The following SEC31A variants were observed in gnomAD, a reference collection of about 807,000 sequenced individuals.
SEC31A encodes protein transport protein Sec31A.
In SEC31A, 70 loss-of-function variants were observed where a neutral mutation model predicts 151.0. The ratio of observed to expected loss-of-function variants is 0.46; its 90% CI spans 0.38 to 0.57. The LOEUF is 0.57. Among genes scored for constraint, SEC31A ranks in the 20% least tolerant of loss-of-function variants. SEC31A has a pLI of 0.00. For synonymous variants in SEC31A, 475 were observed against 505.9 expected (o/e 0.94, Z 0.82); for missense variants, 1,330 against 1,471.2 (o/e 0.90, Z 1.57).
chr4:82,820,987 A>G (rs1723184338), intron 26 of SEC31A, 50 bp downstream of exon 26: 2 of 1,489,602 alleles, frequency 1.3e-6, no homozygotes, highest in Middle Eastern at 1.9e-4. Flanking sequence ...CTGTTTTACT[A>G]GCAACTAGGA....
intron 22 of SEC31A, among the ~76,000 whole-genome samples, chr4:82,836,865 T>C (rs1727436583): frequency 6.6e-6 from 1 of 151,960 alleles, no homozygotes; most frequent in Non-Finnish European, 1.5e-5. Flanking sequence ...CAACAATAAT[T>C]ATTGTACATT....
chr4:82,849,716 T>C (rs1731075706), intron 19 of SEC31A, among the ~76,000 whole-genome samples: 1 of 148,840 alleles, frequency 6.7e-6, no homozygotes, highest in South Asian at 2.1e-4. Context: ...GAGATGAAAA[T>C]GTTAAAAGAG....
upstream of SEC31A, chr4:82,891,353 C>G (rs1345045225): frequency 3.7e-5 from 24 of 641,914 alleles, no homozygotes; most frequent in Admixed American, 5.9e-5. Flanking sequence ...TGGTGGCGCT[C>G]TGCGGTCATC....
chr4:82,826,270 G>C (rs919607250), intron 24 of SEC31A, among the ~76,000 whole-genome samples: 3 of 151,814 alleles, frequency 2.0e-5, no homozygotes, highest in Admixed American at 2.0e-4. Flanking sequence ...TATTTTTTCA[G>C]AAAGAACCAT....
intron 26 of SEC31A, 27 bp from the exon 27 acceptor site, chr4:82,819,280 G>T (rs756434695): frequency 5.9e-6 from 9 of 1,515,982 alleles, no homozygotes; most frequent in East Asian, 2.4e-5. Context: ...CCAAGAGAAA[G>T]AATTAAATTA....
At chr4:82,872,160 C>A in intron 6 of SEC31A, 74 bp from the exon 7 acceptor site, 1 of 1,063,196 alleles carries the variant, frequency 9.4e-7, no homozygotes, top group Non-Finnish European at 1.4e-6. Context: ...GAGAAATATA[C>A]CTTTATTGAA....
chr4:82,835,280 C>T (rs1158769520), intron 22 of SEC31A, among the ~76,000 whole-genome samples: 6 of 151,974 alleles, frequency 3.9e-5, no homozygotes, highest in Admixed American at 1.3e-4. Flanking sequence ...AGATTCATTA[C>T]GGATGTGAAA....
intron 17 of SEC31A, among the ~76,000 whole-genome samples, chr4:82,853,943 C>T (rs1267546208): frequency 6.6e-6 from 1 of 152,070 alleles, no homozygotes; most frequent in Non-Finnish European, 1.5e-5. Flanking sequence ...TCTAACTGTA[C>T]AACTAATTTT....
At chr4:82,891,232 G>A, upstream of SEC31A, 2 of 1,467,538 alleles carry the variant, frequency 1.4e-6, no homozygotes, top group South Asian at 1.2e-5. Flanking sequence ...GCCACGCCCT[G>A]CGCCCAACAC....
intron 3 of SEC31A, 33 bp downstream of exon 3, chr4:82,880,766 A>C (rs1739100825): frequency 2.6e-6 from 4 of 1,566,750 alleles, no homozygotes; most frequent in Non-Finnish European, 3.5e-6. Flanking sequence ...ATATAATTAA[A>C]TAATCACATG....
chr4:82,898,234 A>T (rs546182251), intron 3 of SEC31A, among the ~76,000 whole-genome samples: 1 of 152,346 alleles, frequency 6.6e-6, no homozygotes, highest in South Asian at 2.1e-4. Context: ...AGTTACTAGA[A>T]GAAGCAATGA....
intron 12 of SEC31A, 40 bp downstream of exon 12, chr4:82,863,278 T>G: frequency 9.1e-7 from 1 of 1,103,686 alleles, no homozygotes; most frequent in Non-Finnish European, 1.4e-6. Flanking sequence ...AAAAGTATGA[T>G]TCATAAAGAG....
intron 22 of SEC31A, among the ~76,000 whole-genome samples, chr4:82,841,608 T>C (rs2149230851): frequency 1.3e-5 from 2 of 148,692 alleles, no homozygotes. Context: ...GCCACTGCAC[T>C]CCAGCCTAGG....
At chr4:82,830,312 T>C (rs1205100867) in intron 22 of SEC31A, among the ~76,000 whole-genome samples, 1 of 151,978 alleles carries the variant, frequency 6.6e-6, no homozygotes, top group African/African-American at 2.4e-5. Context: ...AATACAAAAA[T>C]TAGCTGCTTG....
At chr4:82,843,130 T>G (rs1174657801) in intron 21 of SEC31A, among the ~76,000 whole-genome samples, 4 of 141,066 alleles carry the variant, frequency 2.8e-5, no homozygotes, top group Non-Finnish European at 4.7e-5. Context: ...GAGTTGTGGG[T>G]TTTTTTTTTT....
intron 6 of SEC31A, 51 bp from the exon 7 acceptor site, chr4:82,872,137 G>T: frequency 7.4e-7 from 1 of 1,351,972 alleles, no homozygotes; most frequent in Non-Finnish European, 1.1e-6. Flanking sequence ...TTTATGAAAA[G>T]CCAAACTACA....
chr4:82,838,775 T>A (rs1398682574), intron 22 of SEC31A, among the ~76,000 whole-genome samples: 1 of 152,230 alleles, frequency 6.6e-6, no homozygotes, highest in Non-Finnish European at 1.5e-5. Flanking sequence ...ACCAAACAGG[T>A]ATCCATTGAG....
chr4:82,857,129 G>A lies in SEC31A; in HGVS notation c.1704C>T (p.Asp568=). 1 of 1,609,494 alleles carries A rather than the reference G, an allele frequency of 6.2e-7. No individual in the cohort carries two copies. The highest frequency in any genetic ancestry group is 8.5e-7 in the Non-Finnish European group (1 of 1,178,970). ...AAGCCTGAGTAATTAAACCATCAATGTCTGCAACAAGAAAATAATACATCC... is the reference window on the plus strand; with the variant it reads ...AAGCCTGAGTAATTAAACCATCAATATCTGCAACAAGAAAATAATACATCC... ...GGTFNISVSG[D]IDGLITQALL... The change falls in exon 16 of 27, where the codon GAC becomes GAT. Residue 568 remains aspartate, a splice_region_variant and synonymous_variant. Transcript: ENST00000395310.
chr4:82,839,031 G>A (rs1315955395), intron 22 of SEC31A, among the ~76,000 whole-genome samples: 3 of 152,196 alleles, frequency 2.0e-5, no homozygotes, highest in East Asian at 3.8e-4. Flanking sequence ...AGGCTGGGGT[G>A]CAGTGGCACG....
Sources: gnomAD v4.1 joint callset for allele counts (sites outside exome capture counted in the v4.1 genomes callset) on GRCh38, gnomAD v4.1.1 for gene constraint, MANE v1.5 for transcripts, NCBI Gene and HGNC (gene_info 2026-07-23, HGNC 2026-07-21) for gene names.